The following CACNA2D1 variants were observed in gnomAD, a reference collection of about 807,000 sequenced individuals.
CACNA2D1 encodes the protein voltage-dependent calcium channel subunit alpha-2/delta-1.
CACNA2D1 carries 53 observed loss-of-function variants against 171.5 expected under a neutral mutation model. The ratio of observed to expected loss-of-function variants is 0.31; its 90% CI spans 0.25 to 0.39. CACNA2D1 has a LOEUF of 0.39. Ranked by LOEUF, CACNA2D1 falls within the 10% of genes least tolerant of loss-of-function variation. The probability of loss-of-function intolerance (pLI) is 1.00; values close to 1 mark genes in which losing one functional copy is unlikely to be tolerated. For synonymous variants in CACNA2D1, 442 were observed against 443.1 expected, an observed-to-expected ratio of 1.00 and a Z score of 0.03; for missense variants, 903 against 1,299.8, an observed-to-expected ratio of 0.69 and a Z score of 4.69.
intron 3 of CACNA2D1, among the ~76,000 whole-genome samples, chr7:82,291,663 T>TA (rs1563320327): frequency 8.3e-5 from 11 of 132,914 alleles, no homozygotes; most frequent in South Asian, 2.2e-4. Context: ...ATATATATAT[T>TA]TTTTTTTCTT....
chr7:81,964,443 G>C, intron 32 of CACNA2D1, 84 bp from the exon 33 acceptor site: 1 of 1,074,634 alleles, frequency 9.3e-7, no homozygotes, highest in Non-Finnish European at 1.4e-6. Flanking sequence ...ACAGTGAAAA[G>C]AAATAATACA....
chr7:82,407,982 T>C (rs770743394), intron 1 of CACNA2D1, among the ~76,000 whole-genome samples: 3 of 151,922 alleles, frequency 2.0e-5, no homozygotes, highest in Non-Finnish European at 1.5e-5. Context: ...TAAAATATAT[T>C]CTTTGCATTA....
At chr7:82,130,343 A>G (rs1317533519) in intron 5 of CACNA2D1, among the ~76,000 whole-genome samples, 1 of 152,196 alleles carries the variant, frequency 6.6e-6, no homozygotes, top group Non-Finnish European at 1.5e-5. Flanking sequence ...TAGGGAAGTT[A>G]CTGGTAAAGT....
chr7:82,087,894 G>A (rs371007635), intron 6 of CACNA2D1, among the ~76,000 whole-genome samples: 10 of 152,006 alleles, frequency 6.6e-5, no homozygotes, highest in African/African-American at 2.4e-4. Flanking sequence ...CACAATACCG[G>A]CCATGCTAAA....
At chr7:81,977,583 A>C (rs922968644) in intron 24 of CACNA2D1, among the ~76,000 whole-genome samples, 1 of 152,174 alleles carries the variant, frequency 6.6e-6, no homozygotes, top group African/African-American at 2.4e-5. Context: ...CTTATACAAA[A>C]ATTAACTCAA....
chr7:82,432,298 A>T (rs1026389793), intron 1 of CACNA2D1, among the ~76,000 whole-genome samples: 1 of 152,174 alleles, frequency 6.6e-6, no homozygotes, highest in Admixed American at 6.5e-5. Flanking sequence ...AACCGCAAGC[A>T]TGGTTTTTCC....
intron 10 of CACNA2D1, among the ~76,000 whole-genome samples, chr7:82,056,579 G>A (rs1207249704): frequency 1.3e-5 from 2 of 152,058 alleles, no homozygotes; most frequent in Non-Finnish European, 2.9e-5. Flanking sequence ...GGGCCTAAAA[G>A]CTCCTCCAGT....
intron 28 of CACNA2D1, among the ~76,000 whole-genome samples, chr7:81,969,226 A>G (rs1795023512): frequency 6.6e-6 from 1 of 151,432 alleles, no homozygotes; most frequent in South Asian, 2.1e-4. Flanking sequence ...TCACAACATA[A>G]TGAATACATG....
intron 3 of CACNA2D1, among the ~76,000 whole-genome samples, chr7:82,272,985 A>T (rs1808838005): frequency 6.6e-6 from 1 of 152,182 alleles, no homozygotes; most frequent in South Asian, 2.1e-4. Flanking sequence ...GTAATTCATT[A>T]TATGTAGCAA....
chr7:82,066,792 A>G (rs1473559359), intron 7 of CACNA2D1, among the ~76,000 whole-genome samples: 6 of 152,098 alleles, frequency 3.9e-5, no homozygotes, highest in Non-Finnish European at 8.8e-5. Flanking sequence ...TCCGGGTGCT[A>G]ACTTAATATG....
At chr7:82,399,300 C>T (rs1370200648) in intron 1 of CACNA2D1, among the ~76,000 whole-genome samples, 2 of 151,914 alleles carry the variant, frequency 1.3e-5, no homozygotes, top group Admixed American at 1.3e-4. Flanking sequence ...ATTAGCCAGG[C>T]GTGGTGGGGG....
intron 14 of CACNA2D1, among the ~76,000 whole-genome samples, 185 bp from the exon 15 acceptor site, chr7:82,012,428 G>A (rs906752157): frequency 4.6e-5 from 7 of 151,968 alleles, no homozygotes; most frequent in African/African-American, 1.7e-4. Flanking sequence ...ACGTTATTTT[G>A]AATGAACAAT....
At chr7:82,226,253 C>G (rs112192357) in intron 3 of CACNA2D1, among the ~76,000 whole-genome samples, 1 of 152,140 alleles carries the variant, frequency 6.6e-6, no homozygotes, top group Non-Finnish European at 1.5e-5. Flanking sequence ...AACATCACCA[C>G]GGCCACCTCT....
intron 3 of CACNA2D1, among the ~76,000 whole-genome samples, chr7:82,192,880 T>C (rs745927443): frequency 6.6e-6 from 1 of 151,792 alleles, no homozygotes; most frequent in African/African-American, 2.4e-5. Flanking sequence ...TTATCTTGCA[T>C]AGTACCATCT....
intron 3 of CACNA2D1, among the ~76,000 whole-genome samples, chr7:82,275,930 G>A (rs1047786029): frequency 6.6e-6 from 1 of 152,072 alleles, no homozygotes; most frequent in South Asian, 2.1e-4. Context: ...CCACCATAAC[G>A]GACATATCAT....
At chr7:82,104,149 TTTAA>T (rs1325192003) in intron 6 of CACNA2D1, among the ~76,000 whole-genome samples, 14 of 152,136 alleles carry the variant, frequency 9.2e-5, no homozygotes, top group East Asian at 3.9e-4. Context: ...TTTGAGCAAA[TTTAA>T]TTAATTGTAT....
intron 4 of CACNA2D1, among the ~76,000 whole-genome samples, chr7:82,168,178 T>A (rs189056298): frequency 8.3e-4 from 126 of 152,228 alleles, no homozygotes; most frequent in African/African-American, 2.9e-3. Context: ...TCTCTCTCTG[T>A]TGCCCAGGCT....
intron 3 of CACNA2D1, among the ~76,000 whole-genome samples, chr7:82,278,155 T>C (rs1257632127): frequency 1.3e-5 from 2 of 152,200 alleles, no homozygotes; most frequent in Admixed American, 6.5e-5. Flanking sequence ...ATGATTCCCA[T>C]ATAAAAATAG....
chr7:82,407,093 T>G (rs558986035), intron 1 of CACNA2D1, among the ~76,000 whole-genome samples: 1 of 152,298 alleles, frequency 6.6e-6, no homozygotes, highest in South Asian at 2.1e-4. Flanking sequence ...AGAATGTGAT[T>G]GATATAGACA....
Sources: gnomAD v4.1 joint callset for allele counts (sites outside exome capture counted in the v4.1 genomes callset) on GRCh38, gnomAD v4.1.1 for gene constraint, MANE v1.5 for transcripts, NCBI Gene and HGNC (gene_info 2026-07-23, HGNC 2026-07-21) for gene names.